The following NAALADL2 variants were observed in gnomAD, a reference collection of about 807,000 sequenced individuals.
The protein encoded by NAALADL2 is inactive N-acetylated-alpha-linked acidic dipeptidase-like protein 2.
A neutral mutation model predicts 87.2 loss-of-function variants in NAALADL2; 76 were observed. That is an observed-to-expected ratio of 0.87 (90% CI 0.72 to 1.05). The LOEUF (loss-of-function observed/expected upper bound fraction) is 1.05, where lower values mean the gene tolerates loss of function less well. NAALADL2 is among the 50% of genes least tolerant of loss of function. The pLI is 0.00. For synonymous variants in NAALADL2, 354 were observed against 331.0 expected, an observed-to-expected ratio of 1.07 and a Z score of -0.75; for missense variants, 1,089 against 945.8, an observed-to-expected ratio of 1.15 and a Z score of -1.99.
chr3:174,793,399 T>C (rs1717695063), intron 3 of NAALADL2, among the ~76,000 whole-genome samples: 1 of 152,162 alleles, frequency 6.6e-6, no homozygotes, highest in Admixed American at 6.6e-5. Context: ...AGATACATTA[T>C]ATTGATTAAT....
intron 4 of NAALADL2, among the ~76,000 whole-genome samples, chr3:175,323,574 CAG>C (rs1760233099): frequency 6.6e-6 from 1 of 150,734 alleles, no homozygotes; most frequent in Admixed American, 6.6e-5. Context: ...AGTTAAAAAT[CAG>C]AGAGTGAGGA....
At chr3:175,005,887 T>C (rs1748953608) in intron 1 of NAALADL2, among the ~76,000 whole-genome samples, 1 of 152,234 alleles carries the variant, frequency 6.6e-6, no homozygotes, top group Non-Finnish European at 1.5e-5. Flanking sequence ...TCAGCCATCT[T>C]CAGAATATTT....
At chr3:175,459,924 A>G (rs1043962455) in intron 6 of NAALADL2, 48 of 308,462 alleles carry the variant, frequency 1.6e-4, no homozygotes, top group Middle Eastern at 1.1e-3. Flanking sequence ...TTTCACTTAC[A>G]GCATATCCAT....
chr3:175,467,288 A>G (rs1188275537), intron 8 of NAALADL2, 104 bp downstream of exon 8: 15 of 865,756 alleles, frequency 1.7e-5, no homozygotes, highest in Non-Finnish European at 2.5e-5. Context: ...GCTTCTCAAC[A>G]CAAGTGTCAT....
At chr3:175,168,956 T>C (rs1734385514) in intron 2 of NAALADL2, among the ~76,000 whole-genome samples, 1 of 151,752 alleles carries the variant, frequency 6.6e-6, no homozygotes, top group African/African-American at 2.4e-5. Flanking sequence ...CAAAAGTTAT[T>C]AGAGGAAGAG....
intron 10 of NAALADL2, among the ~76,000 whole-genome samples, chr3:175,587,921 T>C (rs1720774413): frequency 6.6e-6 from 1 of 152,034 alleles, no homozygotes; most frequent in African/African-American, 2.4e-5. Context: ...CACCTGGAGA[T>C]GATACACCTG....
Position 175,374,752 on chromosome 3 carries a change from A to AAT in NAALADL2, c.1090+50428_1090+50429dup, listed in dbSNP as rs775668803. On this transcript the variant is annotated intron_variant, in intron 5 of 13. Transcript: ENST00000454872. Reference sequence around the variant, plus strand: ...GCTGGGCATGGTGGTGCATGCCTGCAATGCCAGCTATTCAGGAGTCTGGGG... The same window carrying AAT: ...GCTGGGCATGGTGGTGCATGCCTGCAATATGCCAGCTATTCAGGAGTCTGGGG... Among the ~76,000 whole-genome samples the AAT allele has an allele frequency of 4.0e-5, 6 of 151,548 alleles. No homozygotes were observed. In the South Asian group the frequency reaches 1.0e-3, roughly 26 times the overall value.
chr3:175,258,324 C>CAAAAAAA (rs1287997792), intron 4 of NAALADL2, among the ~76,000 whole-genome samples: 15 of 100,700 alleles, frequency 1.5e-4, no homozygotes, highest in African/African-American at 4.0e-4. Context: ...CCCCCACCAC[C>CAAAAAAA]AAAAAAAAAA....
At chr3:175,279,571 G>A (rs952231305) in intron 4 of NAALADL2, among the ~76,000 whole-genome samples, 4 of 151,790 alleles carry the variant, frequency 2.6e-5, no homozygotes, top group Non-Finnish European at 4.4e-5. Flanking sequence ...AAAATCATAT[G>A]TTATGTCTCT....
Position 175,222,799 on chromosome 3 carries a change from G to A in NAALADL2, c.546-11132G>A, listed in dbSNP as rs551893931. Among the ~76,000 whole-genome samples the A allele has an allele frequency of 2.8e-4, 43 of 152,118 alleles. No homozygotes were observed. The South Asian group carries it at 5.0e-3, about 18-fold the overall frequency. On this transcript the variant is annotated intron_variant, in intron 2 of 13. Transcript: ENST00000454872. ...AAATAAAAATTCCATTACATGTTAA[G>A]AATACAACATTTTATGAAAAAATAT...
At chr3:175,459,241 C>T (rs961124389) in intron 6 of NAALADL2, among the ~76,000 whole-genome samples, 4 of 151,530 alleles carry the variant, frequency 2.6e-5, no homozygotes, top group Admixed American at 2.0e-4. Context: ...CAATATAAAA[C>T]AAAAATCAGA....
At chr3:174,792,532 A>G (rs190290648) in intron 3 of NAALADL2, among the ~76,000 whole-genome samples, 5 of 152,262 alleles carry the variant, frequency 3.3e-5, no homozygotes, top group African/African-American at 4.8e-5. Context: ...TGTGGCATCA[A>G]TTCTTCTTCT....
chr3:175,478,448 A>G (rs989299592), intron 9 of NAALADL2, among the ~76,000 whole-genome samples: 5 of 151,980 alleles, frequency 3.3e-5, no homozygotes, highest in Non-Finnish European at 7.4e-5. Flanking sequence ...TTTTCTGTTC[A>G]GTATATACTG....
At chr3:175,706,827 G>A (rs1739794290) in intron 11 of NAALADL2, among the ~76,000 whole-genome samples, 1 of 152,058 alleles carries the variant, frequency 6.6e-6, no homozygotes, top group African/African-American at 2.4e-5. Context: ...CACCTTCACA[G>A]ATCTTGGACA....
chr3:175,495,357 G>A (rs1246979675), intron 9 of NAALADL2, among the ~76,000 whole-genome samples: 1 of 152,046 alleles, frequency 6.6e-6, no homozygotes, highest in Admixed American at 6.6e-5. Flanking sequence ...TATGCCTGAT[G>A]TTGATGAATG....
intron 3 of NAALADL2, among the ~76,000 whole-genome samples, chr3:174,830,090 T>C: frequency 8.1e-6 from 1 of 123,562 alleles, no homozygotes. Context: ...GATGGTAGTT[T>C]CTTTTGCTGT....
At chr3:174,506,655 G>T (rs10936802) in intron 1 of NAALADL2, among the ~76,000 whole-genome samples, 41,284 of 151,954 alleles carry the variant, frequency 0.27, 6,002 homozygotes, top group South Asian at 0.37. Context: ...TTAGACATTT[G>T]ATATTTATTA....
intron 1 of NAALADL2, among the ~76,000 whole-genome samples, chr3:175,062,524 G>T (rs1285579193): frequency 7.2e-6 from 1 of 138,998 alleles, no homozygotes; most frequent in African/African-American, 2.7e-5. Context: ...GTGTGTGTGT[G>T]TTTCCAACTG....
At chr3:174,552,748 A>G (rs2108493891) in intron 2 of NAALADL2, among the ~76,000 whole-genome samples, 1 of 140,600 alleles carries the variant, frequency 7.1e-6, no homozygotes, top group African/African-American at 2.6e-5. Context: ...GTGAGGTGAG[A>G]TCGTGCCACT....
Sources: gnomAD v4.1 joint callset for allele counts (sites outside exome capture counted in the v4.1 genomes callset) on GRCh38, gnomAD v4.1.1 for gene constraint, MANE v1.5 for transcripts, NCBI Gene and HGNC (gene_info 2026-07-23, HGNC 2026-07-21) for gene names.